INPP5A: variants seen among roughly 807,000 people sequenced by gnomAD.
INPP5A encodes 43 kDa inositol polyphosphate 5-phophatase.
Under a neutral mutation model 65.2 loss-of-function variants are expected in INPP5A, and 14 were observed. The observed-to-expected ratio is 0.21, with a 90% CI of 0.14 to 0.34. The LOEUF (loss-of-function observed/expected upper bound fraction) is 0.34, where lower values mean the gene tolerates loss of function less well. Ranked by LOEUF, INPP5A falls within the 10% of genes least tolerant of loss-of-function variation. INPP5A has a pLI of 1.00. For missense variants in INPP5A, 431 were observed against 545.6 expected (o/e 0.79, Z 2.09); for synonymous variants, 207 against 208.3 (o/e 0.99, Z 0.05).
chr10:132,765,933 G>T (rs1382285275), intron 12 of INPP5A, 87 bp downstream of exon 12: 1 of 807,604 alleles, frequency 1.2e-6, no homozygotes, highest in East Asian at 2.4e-5. Context: ...GCGTGTCTGT[G>T]TGTGCCAGTT....
intron 6 of INPP5A, among the ~76,000 whole-genome samples, chr10:132,699,092 C>T (rs1845393360): frequency 6.6e-6 from 1 of 152,220 alleles, no homozygotes; most frequent in African/African-American, 2.4e-5. Context: ...AAAGGACATG[C>T]AAGAAAGCTC....
At chr10:132,765,418 G>A (rs1027574203) in intron 11 of INPP5A, among the ~76,000 whole-genome samples, 7 of 152,240 alleles carry the variant, frequency 4.6e-5, no homozygotes, top group African/African-American at 9.6e-5. Flanking sequence ...CAGGAGCTGT[G>A]TTCCCTCTGC....
chr10:132,774,261 G>A lies in INPP5A; in HGVS notation c.978-3410G>A, dbSNP rs963733886. Among the ~76,000 whole-genome samples the A allele has an allele frequency of 3.3e-5, 5 of 152,336 alleles. No individual in the cohort carries two copies. In the East Asian group the frequency reaches 9.6e-4, roughly 29 times the overall value. ...TGGTGCCTGCAGGCTGCACGGGAAG[G>A]CAGAGCTTTGATGAGGTCCTGCTTG... On this transcript the variant is annotated intron_variant, in intron 12 of 15. Transcript: ENST00000368594.
chr10:132,750,905 C>T (rs563147955), intron 11 of INPP5A, among the ~76,000 whole-genome samples: 5 of 152,344 alleles, frequency 3.3e-5, no homozygotes, highest in African/African-American at 4.8e-5. Context: ...ACACTGCAGC[C>T]GCGTTCACAT....
chr10:132,716,007 G>A (rs1426904575), intron 8 of INPP5A, among the ~76,000 whole-genome samples: 3 of 152,228 alleles, frequency 2.0e-5, no homozygotes, highest in Admixed American at 6.5e-5. Flanking sequence ...GGGCGTGGTC[G>A]GTCCACTGCT....
At chr10:132,778,740 C>A (rs1847106114) in intron 13 of INPP5A, among the ~76,000 whole-genome samples, 1 of 152,132 alleles carries the variant, frequency 6.6e-6, no homozygotes, top group Non-Finnish European at 1.5e-5. Context: ...AGGCCCAGAG[C>A]AGGGACAGGA....
chr10:132,585,176 A>T (rs1327991842), intron 1 of INPP5A, among the ~76,000 whole-genome samples: 1 of 152,260 alleles, frequency 6.6e-6, no homozygotes, highest in South Asian at 2.1e-4. Context: ...ATTAGAAGTC[A>T]TGTAACTGAG....
chr10:132,770,227 C>G (rs945086196), intron 12 of INPP5A, among the ~76,000 whole-genome samples: 1 of 152,176 alleles, frequency 6.6e-6, no homozygotes, highest in African/African-American at 2.4e-5. Flanking sequence ...CAGGCCTGCC[C>G]GACGGTACCC....
At chr10:132,770,255 TC>T (rs2134681456) in intron 12 of INPP5A, among the ~76,000 whole-genome samples, 1 of 152,304 alleles carries the variant, frequency 6.6e-6, no homozygotes, top group Admixed American at 6.5e-5. Flanking sequence ...GGTCAGCCTC[TC>T]CGCAGCCAGA....
At chr10:132,770,265 G>T (rs955276690) in intron 12 of INPP5A, among the ~76,000 whole-genome samples, 2 of 152,238 alleles carry the variant, frequency 1.3e-5, no homozygotes, top group Admixed American at 1.3e-4. Flanking sequence ...TCCGCAGCCA[G>T]AGAGCCGAAC....
chr10:132,740,016 C>T (rs1051106909), intron 9 of INPP5A, among the ~76,000 whole-genome samples: 6 of 152,216 alleles, frequency 3.9e-5, no homozygotes, highest in South Asian at 2.1e-4. Context: ...GTTTTAAAGA[C>T]AGGACTTGCA....
intron 1 of INPP5A, among the ~76,000 whole-genome samples, chr10:132,592,843 G>C (rs977186073): frequency 5.9e-5 from 9 of 152,362 alleles, no homozygotes; most frequent in Admixed American, 5.9e-4. Flanking sequence ...CCAGTTTGTT[G>C]TTTCATGCTT....
intron 13 of INPP5A, among the ~76,000 whole-genome samples, chr10:132,780,381 A>G (rs181062632): frequency 1.1e-4 from 17 of 152,358 alleles, no homozygotes; most frequent in African/African-American, 4.1e-4. Flanking sequence ...TTCTAGGTTA[A>G]TAGAACAGTC....
intron 1 of INPP5A, among the ~76,000 whole-genome samples, chr10:132,548,814 T>C (rs1413641531): frequency 2.0e-5 from 3 of 149,974 alleles, no homozygotes; most frequent in African/African-American, 7.4e-5. Context: ...TTTTTTTTTT[T>C]TTGAGATAGG....
intron 1 of INPP5A, among the ~76,000 whole-genome samples, chr10:132,579,020 G>A (rs759080674): frequency 6.6e-6 from 1 of 152,204 alleles, no homozygotes; most frequent in Non-Finnish European, 1.5e-5. Flanking sequence ...CTTGTGCCTC[G>A]GTTTCCACAC....
chr10:132,677,716 G>T (rs142128035), intron 4 of INPP5A, among the ~76,000 whole-genome samples: 2 of 152,198 alleles, frequency 1.3e-5, no homozygotes, highest in Admixed American at 6.5e-5. Context: ...GCGATTAAGC[G>T]GCTGGTATGT....
chr10:132,657,564 G>T (rs956989245), intron 4 of INPP5A, among the ~76,000 whole-genome samples: 1 of 152,146 alleles, frequency 6.6e-6, no homozygotes, highest in Non-Finnish European at 1.5e-5. Flanking sequence ...TTGGGGTGGG[G>T]GGCCCCAGTA....
At chr10:132,599,888 G>A (rs2071754559) in intron 1 of INPP5A, among the ~76,000 whole-genome samples, 1 of 152,204 alleles carries the variant, frequency 6.6e-6, no homozygotes, top group South Asian at 2.1e-4. Flanking sequence ...CTGTATGTTG[G>A]CCCCTTTTAG....
intron 12 of INPP5A, among the ~76,000 whole-genome samples, chr10:132,771,344 G>A (rs1392467773): frequency 6.6e-6 from 1 of 152,240 alleles, no homozygotes; most frequent in East Asian, 1.9e-4. Context: ...TTAGTGCTGA[G>A]GGATTGACCC....
Sources: gnomAD v4.1 joint callset for allele counts (sites outside exome capture counted in the v4.1 genomes callset) on GRCh38, gnomAD v4.1.1 for gene constraint, MANE v1.5 for transcripts, NCBI Gene and HGNC (gene_info 2026-07-23, HGNC 2026-07-21) for gene names.